COG3: variants seen among roughly 807,000 people sequenced by gnomAD.
COG3 encodes component of oligomeric golgi complex 3, also known as conserved oligomeric Golgi complex subunit 3.
COG3 carries 32 observed loss-of-function variants against 114.1 expected under a neutral mutation model. That is an observed-to-expected ratio of 0.28 (90% CI 0.21 to 0.38). The LOEUF (loss-of-function observed/expected upper bound fraction) is 0.38, where lower values mean the gene tolerates loss of function less well. Among genes scored for constraint, COG3 ranks in the 10% least tolerant of loss-of-function variants. The probability of loss-of-function intolerance (pLI) is 1.00; values close to 1 mark genes in which losing one functional copy is unlikely to be tolerated. For synonymous variants in COG3, 352 were observed against 365.7 expected (o/e 0.96, Z 0.43); for missense variants, 813 against 973.2 (o/e 0.84, Z 2.19).
intron 2 of COG3, among the ~76,000 whole-genome samples, chr13:45,477,466 A>G (rs1343685506): frequency 6.6e-6 from 1 of 152,234 alleles, no homozygotes; most frequent in Non-Finnish European, 1.5e-5. Flanking sequence ...ATACCTATGT[A>G]TGTAACTAAC....
At chr13:45,526,442 G>T (rs990471939) in intron 20 of COG3, among the ~76,000 whole-genome samples, 3 of 152,076 alleles carry the variant, frequency 2.0e-5, no homozygotes, top group Non-Finnish European at 4.4e-5. Flanking sequence ...TGAGAAATTA[G>T]AAGAATAGCT....
At chr13:45,468,000 A>T (rs1430266775) in intron 1 of COG3, among the ~76,000 whole-genome samples, 1 of 152,258 alleles carries the variant, frequency 6.6e-6, no homozygotes, top group Non-Finnish European at 1.5e-5. Context: ...TATCTTAAAA[A>T]GGAATTATGC....
At chr13:45,474,893 A>C (rs918992134) in intron 1 of COG3, among the ~76,000 whole-genome samples, 2 of 152,172 alleles carry the variant, frequency 1.3e-5, no homozygotes, top group Non-Finnish European at 2.9e-5. Context: ...CTAAACAATT[A>C]GGCCCTTTTA....
At chr13:45,518,213 T>C (rs1871746311) in intron 17 of COG3, among the ~76,000 whole-genome samples, 1 of 152,244 alleles carries the variant, frequency 6.6e-6, no homozygotes, top group East Asian at 1.9e-4. Flanking sequence ...ATCTTTACTT[T>C]TACGCCTCTA....
intron 2 of COG3, among the ~76,000 whole-genome samples, chr13:45,476,861 T>A (rs1232436873): frequency 6.6e-6 from 1 of 152,214 alleles, no homozygotes; most frequent in Non-Finnish European, 1.5e-5. Flanking sequence ...CTCCTCTTTC[T>A]TTTCCTATTA....
chr13:45,509,368 A>G (rs1353506955), intron 14 of COG3, among the ~76,000 whole-genome samples: 4 of 152,148 alleles, frequency 2.6e-5, no homozygotes, highest in African/African-American at 7.2e-5. Context: ...GCTGCATTCT[A>G]TAATGTGATT....
intron 14 of COG3, among the ~76,000 whole-genome samples, chr13:45,505,740 T>C (rs1870070400): frequency 6.6e-6 from 1 of 152,148 alleles, no homozygotes; most frequent in Non-Finnish European, 1.5e-5. Flanking sequence ...ATTACAGGCA[T>C]GGGCCACCAT....
rs1886307897 is a variant in COG3, at chr13:45,482,461, T to C, written c.705T>C (p.Tyr235=). 2 of 1,472,578 alleles carry C rather than the reference T, an allele frequency of 1.4e-6. No individual in the cohort carries two copies. Among genetic ancestry groups the C allele is most frequent in the African/African-American group, 1.4e-5 (1 of 71,132 alleles). The allele number at this position is 1,472,578 out of a possible 1,614,324, so 91.2% of individuals were successfully genotyped here. The change falls in exon 6 of 23, where the codon TAT becomes TAC. Residue 235 remains tyrosine, a synonymous_variant. Transcript: ENST00000349995. ...CCAAGTTAGATGATTGTATAACATA[T>C]ATCTCATCTCATGTAAGTCAGAGTA... ...MLAKLDDCIT[Y]ISSHPNFKDY... is the part of the protein sequence containing the mutation.
intron 19 of COG3, among the ~76,000 whole-genome samples, chr13:45,521,222 T>C (rs1398140516): frequency 1.3e-5 from 2 of 152,184 alleles, no homozygotes; most frequent in African/African-American, 4.8e-5. Flanking sequence ...AATTATGTAA[T>C]GGTTCTCCAT....
At position 45,486,339 on chromosome 13, in the gene COG3, C is replaced by CGGGAGA. The variant is rs1555295082; in HGVS notation, c.844-131_844-126dup. On this transcript the variant is annotated intron_variant, in intron 7 of 22. Coordinates refer to ENST00000349995, the MANE Select transcript of COG3 (RefSeq NM_031431.4). ...GAGACGGGAGACGGGAGACGGGAGA[C>CGGGAGA]GGGAGAGGGAGAGGGAGAGGGAGAG... Among the ~76,000 whole-genome samples, 321 of 55,168 alleles carry CGGGAGA rather than the reference C, an allele frequency of 5.8e-3. 24 individuals are homozygous for CGGGAGA. Among genetic ancestry groups the CGGGAGA allele is most frequent in the African/African-American group, 0.011 (76 of 6,660 alleles). 36.2% of individuals were successfully genotyped at this position (55,168 alleles called of 152,430 possible). A position where few individuals can be genotyped will look rare whatever the true frequency, so the allele number is the denominator to read the frequency against.
At chr13:45,489,852 G>T (rs2985958) in intron 8 of COG3, among the ~76,000 whole-genome samples, 150,577 of 150,848 alleles carry the variant, frequency 1, 75,154 homozygotes, top group Middle Eastern at 1. Flanking sequence ...TTCTAAACTT[G>T]ATCTGGTAAA....
intron 1 of COG3, among the ~76,000 whole-genome samples, chr13:45,466,982 A>G (rs946567967): frequency 2.0e-5 from 3 of 152,222 alleles, no homozygotes; most frequent in Non-Finnish European, 4.4e-5. Context: ...GATCATGAAC[A>G]TGGAAAAAAA....
At chr13:45,475,361 TA>T in intron 1 of COG3, among the ~76,000 whole-genome samples, 1 of 152,010 alleles carries the variant, frequency 6.6e-6, no homozygotes, top group Non-Finnish European at 1.5e-5. Context: ...CACACCCAGC[TA>T]ATTTTTTTTT....
At chr13:45,475,205 T>G (rs1185101055) in intron 1 of COG3, among the ~76,000 whole-genome samples, 1 of 151,950 alleles carries the variant, frequency 6.6e-6, no homozygotes, top group Non-Finnish European at 1.5e-5. Context: ...TGGGTGTGAT[T>G]TATTTATTTA....
rs1177304428 is a variant in COG3 at position 45,530,673 on chromosome 13, C to T, written c.2359-9C>T. Reference sequence around the variant, plus strand: ...TCATTTGATAAGATCTCCTCTCCTCCTTTCTAAGAATAATATTCAGCAAGT... The same window carrying T: ...TCATTTGATAAGATCTCCTCTCCTCTTTTCTAAGAATAATATTCAGCAAGT... On this transcript the variant is annotated splice_polypyrimidine_tract_variant and intron_variant, in intron 21 of 22. Transcript: ENST00000349995. 21 of 1,547,024 alleles carry T rather than the reference C, an allele frequency of 1.4e-5. No individual in the cohort carries two copies. Among genetic ancestry groups the T allele is most frequent in the Non-Finnish European group, 1.9e-5 (21 of 1,119,464 alleles).
chr13:45,488,373 T>G (rs991673914), intron 8 of COG3, among the ~76,000 whole-genome samples: 2 of 151,778 alleles, frequency 1.3e-5, no homozygotes, highest in South Asian at 2.1e-4. Flanking sequence ...GAGGGAAGAT[T>G]TGAAATTTTC....
In COG3 at chr13:45,490,916, C is replaced by T; in HGVS notation, c.926C>T (p.Thr309Ile). 6.3e-7 allele frequency: 1 copy of T among 1,583,822 alleles called. No individual in the cohort carries two copies. The highest frequency in any genetic ancestry group is 8.6e-7 in the Non-Finnish European group (1 of 1,159,404). ...GATGCATTTTTTCTTACTTTGCAGA[C>T]TCTTATTGAACAAATAGAACTGCGG... is the stretch of plus-strand genomic sequence containing the variant. ...KFRAAAPKVR[T>I]LIEQIELRSE... is the part of the protein sequence containing the mutation. Residue 309 changes from threonine (T) to isoleucine (I), a missense_variant and splice_region_variant, in exon 9 of 23, where the codon ACT (threonine) becomes ATT (isoleucine). Coordinates refer to ENST00000349995, the MANE Select transcript of COG3 (RefSeq NM_031431.4).
At chr13:45,479,285 G>A (rs1886102978) in intron 3 of COG3, among the ~76,000 whole-genome samples, 1 of 152,184 alleles carries the variant, frequency 6.6e-6, no homozygotes, top group South Asian at 2.1e-4. Context: ...TAATTAATAG[G>A]TTAGGAGGGA....
In COG3 at chr13:45,536,503, G is replaced by T. The variant is rs1056586270; in HGVS notation, c.*1772G>T. 5 of 152,190 alleles carry T rather than the reference G, an allele frequency of 3.3e-5. No individual in the cohort carries two copies. The highest frequency in any genetic ancestry group is 2.4e-5 in the African/African-American group (1 of 41,438). The allele number at this position is 152,190 out of a possible 1,614,324, so 9.4% of individuals were successfully genotyped here. On this transcript the variant is annotated 3_prime_UTR_variant, in exon 23 of 23. Transcript: ENST00000349995. ...TTTGTTTAAATCTGTACAGTTTTAAGTGTTCACTTATACAAAGAGTGTATA... is the reference window on the plus strand; with the variant it reads ...TTTGTTTAAATCTGTACAGTTTTAATTGTTCACTTATACAAAGAGTGTATA...
Sources: gnomAD v4.1 joint callset for allele counts (sites outside exome capture counted in the v4.1 genomes callset) on GRCh38, gnomAD v4.1.1 for gene constraint, MANE v1.5 for transcripts, NCBI Gene and HGNC (gene_info 2026-07-23, HGNC 2026-07-21) for gene names.